The following GPHN variants were observed in gnomAD, a reference collection of about 807,000 sequenced individuals.
The protein encoded by GPHN is gephyrin.
Under a neutral mutation model 95.5 loss-of-function variants are expected in GPHN, and 17 were observed. The observed-to-expected ratio is 0.18, with a 90% confidence interval of 0.12 to 0.27. The LOEUF (loss-of-function observed/expected upper bound fraction) is 0.27. GPHN is among the 10% of genes least tolerant of loss of function. GPHN has a pLI of 1.00. For missense variants in GPHN, 660 were observed against 978.1 expected (o/e 0.67, Z 4.34); for synonymous variants, 320 against 322.5 (o/e 0.99, Z 0.08).
At chr14:66,774,237 C>T (rs1171230362) in intron 2 of GPHN, among the ~76,000 whole-genome samples, 6 of 151,760 alleles carry the variant, frequency 4.0e-5, no homozygotes, top group Non-Finnish European at 7.4e-5. Flanking sequence ...CTCCTGACCT[C>T]GTGATCCGCC....
intron 8 of GPHN, among the ~76,000 whole-genome samples, chr14:66,962,194 T>G (rs1450452777): frequency 6.6e-6 from 1 of 151,282 alleles, no homozygotes; most frequent in East Asian, 1.9e-4. Context: ...CTTCATAATC[T>G]AATTCTTCAC....
At chr14:66,643,706 CCTT>C (rs2064570945) in intron 1 of GPHN, among the ~76,000 whole-genome samples, 1 of 150,234 alleles carries the variant, frequency 6.7e-6, no homozygotes, top group Non-Finnish European at 1.5e-5. Flanking sequence ...GTCAGTATTT[CCTT>C]CTGTTGTGGG....
intron 2 of GPHN, among the ~76,000 whole-genome samples, chr14:66,760,009 AT>A (rs1480528742): frequency 6.6e-6 from 1 of 152,220 alleles, no homozygotes; most frequent in Non-Finnish European, 1.5e-5. Flanking sequence ...CAGAGGTTAA[AT>A]AGCACCACCC....
the GPHN span, among the ~76,000 whole-genome samples, chr14:67,568,843 G>A: frequency 6.6e-6 from 1 of 152,154 alleles, no homozygotes; most frequent in Non-Finnish European, 1.5e-5. Flanking sequence ...CAAAGGTGAA[G>A]GGTGGAGGCA....
At chr14:67,458,427 CCA>C in the GPHN span, among the ~76,000 whole-genome samples, 1,203 of 152,336 alleles carry the variant, frequency 7.9e-3, 21 homozygotes, top group African/African-American at 0.028. Context: ...GCTCGGGATA[CCA>C]CAGTGAAGGA....
chr14:66,850,127 T>C lies in GPHN; in HGVS notation c.294+25561T>C, dbSNP rs150016479. On this transcript the variant is annotated intron_variant, in intron 4 of 22. Transcript: ENST00000478722. Reference sequence around the variant, plus strand: ...TAAATAATTTACAGATAGAAACTTATTGAACTTCAGTAATGTAGAATTAAT... The same window carrying C: ...TAAATAATTTACAGATAGAAACTTACTGAACTTCAGTAATGTAGAATTAAT... Among the ~76,000 whole-genome samples, 458 of 152,288 alleles carry C rather than the reference T, an allele frequency of 3.0e-3. 3 individuals carry two copies. Among genetic ancestry groups the C allele is most frequent in the African/African-American group, 0.011 (440 of 41,578 alleles).
At chr14:66,905,219 A>G (rs2065318484) in intron 5 of GPHN, among the ~76,000 whole-genome samples, 2 of 152,064 alleles carry the variant, frequency 1.3e-5, no homozygotes, top group Admixed American at 6.6e-5. Context: ...GAGAGCTTCT[A>G]ACGAACTTTT....
the GPHN span, among the ~76,000 whole-genome samples, chr14:67,432,698 C>T: frequency 1.3e-5 from 2 of 152,220 alleles, no homozygotes; most frequent in Non-Finnish European, 2.9e-5. Context: ...GACAGAAGTC[C>T]GAAACCAAGG....
chr14:67,429,569 C>G, the GPHN span, among the ~76,000 whole-genome samples: 10 of 151,410 alleles, frequency 6.6e-5, no homozygotes, highest in African/African-American at 2.4e-4. Flanking sequence ...AACCCCATCT[C>G]TACTAAAAAT....
chr14:67,723,295 G>A, the GPHN span, among the ~76,000 whole-genome samples: 1 of 152,136 alleles, frequency 6.6e-6, no homozygotes, highest in Non-Finnish European at 1.5e-5. Context: ...GTGCATTGGT[G>A]TAGTCATAGG....
the GPHN span, among the ~76,000 whole-genome samples, chr14:67,591,173 T>C: frequency 1.3e-5 from 2 of 152,174 alleles, no homozygotes. Flanking sequence ...GAGGAAATAC[T>C]GATAGGTAAT....
chr14:67,646,910 T>C, the GPHN span: 2 of 1,544,264 alleles, frequency 1.3e-6, no homozygotes, highest in East Asian at 2.2e-5. Flanking sequence ...TCCCTTTATA[T>C]CTCATCACAG....
chr14:66,901,968 C>T (rs1025044981), intron 5 of GPHN, among the ~76,000 whole-genome samples: 6 of 151,868 alleles, frequency 4.0e-5, no homozygotes, highest in Admixed American at 2.6e-4. Flanking sequence ...ACATTGGGTA[C>T]TATGGTCATT....
chr14:66,959,144 A>G (rs757396399), intron 8 of GPHN, among the ~76,000 whole-genome samples: 30 of 152,114 alleles, frequency 2.0e-4, no homozygotes, highest in Non-Finnish European at 4.4e-4. Flanking sequence ...TTACCTATCA[A>G]TATATTGTAT....
At chr14:66,785,389 A>C (rs72728646) in intron 3 of GPHN, among the ~76,000 whole-genome samples, 6,610 of 152,200 alleles carry the variant, frequency 0.043, 186 homozygotes, top group Middle Eastern at 0.068. Flanking sequence ...TTAATAAATA[A>C]ATAAAATTTA....
chr14:67,264,693 C>T, the GPHN span, among the ~76,000 whole-genome samples: 5 of 151,906 alleles, frequency 3.3e-5, no homozygotes, highest in South Asian at 2.1e-4. Context: ...GTGTTTTTTT[C>T]GAGCTCTTTT....
chr14:66,662,515 T>C (rs574414599), intron 1 of GPHN, among the ~76,000 whole-genome samples: 1 of 150,646 alleles, frequency 6.6e-6, no homozygotes, highest in South Asian at 2.1e-4. Context: ...CCCACAAAGA[T>C]AAAGAATCAG....
the GPHN span, chr14:67,587,225 C>T: frequency 1.6e-4 from 251 of 1,613,628 alleles, 1 homozygote; most frequent in East Asian, 3.2e-3. Context: ...AAGGGGCCAA[C>T]GTTGCTGTGA....
chr14:67,387,290 C>T, the GPHN span: 145 of 1,582,770 alleles, frequency 9.2e-5, 1 homozygote, highest in South Asian at 1.1e-3. Context: ...TCTGTGTCAT[C>T]TGGTAGGAGG....
Sources: gnomAD v4.1 joint callset for allele counts (sites outside exome capture counted in the v4.1 genomes callset) on GRCh38, gnomAD v4.1.1 for gene constraint, MANE v1.5 for transcripts, NCBI Gene and HGNC (gene_info 2026-07-23, HGNC 2026-07-21) for gene names.